The following TRMT44 variants were observed in gnomAD, a reference collection of about 807,000 sequenced individuals.
The protein encoded by TRMT44 is tRNA methyltransferase 44 homolog, also known as probable tRNA (uracil-O(2)-)-methyltransferase.
Under a neutral mutation model 77.3 loss-of-function variants are expected in TRMT44, and 78 were observed. The ratio of observed to expected loss-of-function variants is 1.01; its 90% CI spans 0.84 to 1.22. The LOEUF (loss-of-function observed/expected upper bound fraction) is 1.22, where lower values mean the gene tolerates loss of function less well. Ranked by LOEUF, TRMT44 falls within the 50% of genes most tolerant of loss-of-function variation. The pLI, the probability that TRMT44 is intolerant of heterozygous loss-of-function variation, is 0.00. For missense variants in TRMT44, 1,090 were observed against 964.4 expected (o/e 1.13, Z -1.73); for synonymous variants, 391 against 383.3 (o/e 1.02, Z -0.23).
At position 8,446,349 on chromosome 4, in the gene TRMT44, G is replaced by C. The variant is rs1042117409; in HGVS notation, c.620-127G>C. On this transcript the variant is annotated intron_variant, in intron 1 of 10. Coordinates refer to ENST00000389737, the MANE Select transcript of TRMT44 (RefSeq NM_152544.3). The surrounding 1 kb of genome is among the most constrained non-coding windows in gnomAD (Gnocchi z 4.3). ...AAGGCAAAAGTTCCTCTCCTGGAGT[G>C]CCATTGTGAATAGAGTGCTGGGGGA... The C allele has an allele frequency of 3.2e-6, 2 of 631,130 alleles. No homozygotes were observed. The highest frequency in any genetic ancestry group is 3.7e-5 in the African/African-American group (2 of 54,558). The allele number at this position is 631,130 out of a possible 1,614,324, so 39.1% of individuals were successfully genotyped here. A position where few individuals can be genotyped will look rare whatever the true frequency, so the allele number is the denominator to read the frequency against.
At position 8,444,401 on chromosome 4, in the gene TRMT44, C is replaced by CTT. The variant is rs1242579405; in HGVS notation, c.620-2061_620-2060dup. Among the ~76,000 whole-genome samples, 3 of 141,512 alleles carry CTT rather than the reference C, an allele frequency of 2.1e-5. No homozygotes were observed. Among genetic ancestry groups the CTT allele is most frequent in the African/African-American group, 2.6e-5 (1 of 38,724 alleles). 92.8% of individuals were successfully genotyped at this position (141,512 alleles called of 152,430 possible). A position where few individuals can be genotyped will look rare whatever the true frequency, so the allele number is the denominator to read the frequency against. ...TATAATGAATAATAACTTAATTGTACTTTTTTTTTTTTTTTGAGAGTAGTC... is the reference window on the plus strand; with the variant it reads ...TATAATGAATAATAACTTAATTGTACTTTTTTTTTTTTTTTTTGAGAGTAGTC... On this transcript the variant is annotated intron_variant, in intron 1 of 10. Transcript: ENST00000389737. This position sits in a 1 kb window ranked among gnomAD's most constrained non-coding sequence, Gnocchi z 4.0.
downstream of TRMT44, among the ~76,000 whole-genome samples, chr4:8,494,888 C>G (rs1728106988): frequency 6.6e-6 from 1 of 152,064 alleles, no homozygotes. Flanking sequence ...CTTGACTCTT[C>G]CCCGTGGCTT....
intron 6 of TRMT44, among the ~76,000 whole-genome samples, chr4:8,456,178 A>C (rs1410601828): frequency 2.0e-5 from 3 of 152,196 alleles, no homozygotes; most frequent in African/African-American, 7.2e-5. Flanking sequence ...CTACTGTAAA[A>C]TTTCCTGGTC....
chr4:8,475,634 G>A (rs1358599926), intron 10 of TRMT44, 138 bp from the exon 11 acceptor site: 3 of 742,994 alleles, frequency 4.0e-6, no homozygotes, highest in Non-Finnish European at 6.7e-6. Context: ...GTGACCAGCA[G>A]GAACTCTAGG....
At chr4:8,506,681 C>T in the TRMT44 span, 1 of 152,306 alleles carries the variant, frequency 6.6e-6, no homozygotes, top group African/African-American at 2.4e-5. Context: ...GTGGAATTCT[C>T]ACCTCCTGGG....
At chr4:8,501,199 G>A in the TRMT44 span, among the ~76,000 whole-genome samples, 4 of 152,214 alleles carry the variant, frequency 2.6e-5, no homozygotes. The surrounding 1 kb of genome is among the most constrained non-coding windows in gnomAD (Gnocchi z 4.4). Flanking sequence ...CAGAGGTGAT[G>A]GCTTGTGCAT....
At chr4:8,470,893 G>C (rs562584346) in intron 9 of TRMT44, 191 bp from the exon 10 acceptor site, 1 of 525,262 alleles carries the variant, frequency 1.9e-6, no homozygotes, top group Admixed American at 2.9e-5. Context: ...CACCTTAGCT[G>C]GGTGGGGACG....
intron 5 of TRMT44, 78 bp from the exon 6 acceptor site, chr4:8,454,664 C>T (rs1725679575): frequency 7.1e-7 from 1 of 1,413,088 alleles, no homozygotes; most frequent in South Asian, 1.2e-5. Context: ...GCAGTGCCTG[C>T]AGAACTTTAA....
rs1724944344 is a variant in TRMT44, at chr4:8,444,522, C to A, written c.620-1954C>A. Among the ~76,000 whole-genome samples the A allele has an allele frequency of 6.6e-6, 1 of 151,934 alleles. No homozygotes were observed. The highest frequency in any genetic ancestry group is 6.6e-5 in the Admixed American group (1 of 15,262). The stretch of plus-strand genomic sequence containing the variant: ...GAGCGATTCTCCTAACTTAGCCTCC[C>A]AAGCAGCTGGGATTACAGGCATGTG... On this transcript the variant is annotated intron_variant, in intron 1 of 10. Transcript: ENST00000389737. This position sits in a 1 kb window ranked among gnomAD's most constrained non-coding sequence, Gnocchi z 4.0.
chr4:8,509,764 C>T, the TRMT44 span: 1 of 152,518 alleles, frequency 6.6e-6, no homozygotes, highest in Non-Finnish European at 1.5e-5. Context: ...CCAGCGACCC[C>T]ATCTCCATGC....
At chr4:8,497,996 C>T (rs572732532), downstream of TRMT44, among the ~76,000 whole-genome samples, 2 of 152,348 alleles carry the variant, frequency 1.3e-5, no homozygotes, top group Middle Eastern at 3.4e-3. Context: ...CATGGCCTTG[C>T]TCAGCTATGC....
At chr4:8,497,541 A>G (rs1728183561), downstream of TRMT44, among the ~76,000 whole-genome samples, 1 of 152,186 alleles carries the variant, frequency 6.6e-6, no homozygotes, top group Non-Finnish European at 1.5e-5. Flanking sequence ...GCTACTCAGG[A>G]GGCTGAGGCA....
Position 8,452,872 on chromosome 4 carries a change from C to T in TRMT44, c.1024-10C>T. On this transcript the variant is annotated splice_polypyrimidine_tract_variant and intron_variant, in intron 4 of 10. Coordinates refer to ENST00000389737, the MANE Select transcript of TRMT44 (RefSeq NM_152544.3). The surrounding 1 kb of genome is among the most constrained non-coding windows in gnomAD (Gnocchi z 5.7). Reference sequence around the variant, plus strand: ...CCACCTGACTTTGTTTTGTTTTTCTCTTCACTTAGATTCTATGGGAAGAAG... The same window carrying T: ...CCACCTGACTTTGTTTTGTTTTTCTTTTCACTTAGATTCTATGGGAAGAAG... 6.7e-7 allele frequency: 1 copy of T among 1,490,330 alleles called. No individual in the cohort carries two copies. Among genetic ancestry groups the T allele is most frequent in the East Asian group, 2.5e-5 (1 of 40,052 alleles). 92.3% of individuals were successfully genotyped at this position (1,490,330 alleles called of 1,614,324 possible). A position where few individuals can be genotyped will look rare whatever the true frequency, so the allele number is the denominator to read the frequency against.
chr4:8,470,841 G>A (rs1040357973), intron 9 of TRMT44: 5 of 385,248 alleles, frequency 1.3e-5, no homozygotes, highest in African/African-American at 2.1e-5. Context: ...GGCCCTGTGC[G>A]GGCATGGGGC....
At chr4:8,505,316 G>A in the TRMT44 span, among the ~76,000 whole-genome samples, 1 of 152,212 alleles carries the variant, frequency 6.6e-6, no homozygotes, top group Non-Finnish European at 1.5e-5. Context: ...GGGAAGTCAG[G>A]TGCACTGAGG....
chr4:8,510,581 A>G, the TRMT44 span: 3 of 152,750 alleles, frequency 2.0e-5, no homozygotes, highest in South Asian at 4.1e-4. Flanking sequence ...CTGACCCCCG[A>G]TGGCAACTGC....
intron 9 of TRMT44, among the ~76,000 whole-genome samples, chr4:8,468,763 A>T (rs537118120): frequency 6.6e-6 from 1 of 152,384 alleles, no homozygotes; most frequent in South Asian, 2.1e-4. Flanking sequence ...CCCAAAACAC[A>T]ACAATCATCC....
intron 7 of TRMT44, 77 bp downstream of exon 7, chr4:8,464,168 C>G: frequency 8.6e-7 from 1 of 1,164,028 alleles, no homozygotes; most frequent in Non-Finnish European, 1.3e-6. Context: ...AAAAGGGTAG[C>G]CACTAGCTGC....
At chr4:8,516,807 A>C in the TRMT44 span, among the ~76,000 whole-genome samples, 1 of 152,186 alleles carries the variant, frequency 6.6e-6, no homozygotes, top group South Asian at 2.1e-4. Context: ...AACAAAAACA[A>C]CACCATCACC....
Sources: gnomAD v4.1 joint callset for allele counts (sites outside exome capture counted in the v4.1 genomes callset) on GRCh38, gnomAD v4.1.1 for gene constraint, Gnocchi (gnomAD v3.1) non-coding constraint, MANE v1.5 for transcripts, NCBI Gene and HGNC (gene_info 2026-07-23, HGNC 2026-07-21) for gene names.